The following CDH18 variants were observed in gnomAD, a reference collection of about 807,000 sequenced individuals.
CDH18 encodes the protein cadherin-18.
CDH18 carries 31 observed loss-of-function variants against 67.9 expected under a neutral mutation model. That is an observed-to-expected ratio of 0.46 (90% confidence interval 0.34 to 0.62). The LOEUF is 0.62. Among genes scored for constraint, CDH18 ranks in the 20% least tolerant of loss-of-function variants. The probability of loss-of-function intolerance (pLI) is 0.01; values close to 1 mark genes in which losing one functional copy is unlikely to be tolerated. For missense variants in CDH18, 890 were observed against 975.5 expected (o/e 0.91, Z 1.17); for synonymous variants, 362 against 347.2 (o/e 1.04, Z -0.48).
At position 19,988,169 on chromosome 5, in the gene CDH18, A is replaced by T. The variant is rs902590011; in HGVS notation, c.-459T>A. ...GGGACTTTCCCAGAGCTCTGGGCAC[A>T]GCTGCTCGCCGTCCTCGGAAAGCCC... On this transcript the variant is annotated 5_prime_UTR_variant, in exon 1 of 13. Transcript: ENST00000382275. 1.3e-5 allele frequency: 2 copies of T among 152,170 alleles called. No individual in the cohort carries two copies. Among genetic ancestry groups the T allele is most frequent in the Non-Finnish European group, 2.9e-5 (2 of 68,044 alleles). 9.4% of individuals were successfully genotyped at this position (152,170 alleles called of 1,614,324 possible). A position where few individuals can be genotyped will look rare whatever the true frequency, so the allele number is the denominator to read the frequency against.
Position 20,142,440 on chromosome 5 carries a change from C to T in CDH18, c.-518+113004G>A, listed in dbSNP as rs766162788. Among the ~76,000 whole-genome samples, 7 of 151,856 alleles carry T rather than the reference C, an allele frequency of 4.6e-5. No individual in the cohort carries two copies. In the East Asian group the frequency reaches 7.8e-4, roughly 17 times the overall value. On this transcript the variant is annotated intron_variant, in intron 2 of 14. Transcript: ENST00000507958. Reference sequence around the variant, plus strand: ...ACTGAAAATACAAAAATTGGCCCGGCGTGGTGGCAAGCACCCGTAGTCTCA... The same window carrying T: ...ACTGAAAATACAAAAATTGGCCCGGTGTGGTGGCAAGCACCCGTAGTCTCA...
At chr5:20,164,532 C>T (rs1040877952) in intron 2 of CDH18, among the ~76,000 whole-genome samples, 1 of 152,096 alleles carries the variant, frequency 6.6e-6, no homozygotes, top group Admixed American at 6.5e-5. Context: ...AGGTCGGCCT[C>T]CCAAAGTGCT....
intron 4 of CDH18, among the ~76,000 whole-genome samples, chr5:19,743,025 A>G (rs777916740): frequency 2.0e-5 from 3 of 152,222 alleles, no homozygotes; most frequent in Non-Finnish European, 4.4e-5. Flanking sequence ...CCTAGTGTTT[A>G]GAAGCAAACC....
At chr5:19,692,273 A>G (rs1007574234) in intron 5 of CDH18, among the ~76,000 whole-genome samples, 1 of 152,158 alleles carries the variant, frequency 6.6e-6, no homozygotes, top group Non-Finnish European at 1.5e-5. Flanking sequence ...CAAAACTGCA[A>G]AACTACTATA....
intron 7 of CDH18, 106 bp from the exon 8 acceptor site, chr5:19,571,938 T>G: frequency 1.2e-6 from 1 of 851,284 alleles, no homozygotes; most frequent in Non-Finnish European, 1.8e-6. Context: ...AATAAAATAA[T>G]TGAGAGAGAG....
At chr5:19,646,490 C>T (rs1221736458) in intron 5 of CDH18, among the ~76,000 whole-genome samples, 1 of 152,026 alleles carries the variant, frequency 6.6e-6, no homozygotes, top group Non-Finnish European at 1.5e-5. Flanking sequence ...CAGGCACGTA[C>T]CACCATGCCC....
chr5:19,488,272 G>A lies in CDH18; in HGVS notation c.1631-4720C>T, dbSNP rs567548426. ...CTTATAGCTTAGAAAATATTAAAAAGTATGTGTTTTTTGAAACTGAAATTA... is the reference window on the plus strand; with the variant it reads ...CTTATAGCTTAGAAAATATTAAAAAATATGTGTTTTTTGAAACTGAAATTA... On this transcript the variant is annotated intron_variant, in intron 11 of 12. Coordinates refer to ENST00000382275, the MANE Select transcript of CDH18 (RefSeq NM_004934.5). Among the ~76,000 whole-genome samples the A allele has an allele frequency of 3.4e-4, 52 of 152,206 alleles. No homozygotes were observed. In the Middle Eastern group the frequency reaches 0.02, roughly 60 times the overall value.
intron 2 of CDH18, among the ~76,000 whole-genome samples, chr5:20,194,631 T>A (rs1216861809): frequency 6.7e-6 from 1 of 148,592 alleles, no homozygotes; most frequent in Non-Finnish European, 1.5e-5. Context: ...TTCTACTCTA[T>A]CTATAACATT....
chr5:19,980,943 GT>G (rs1343662748), intron 2 of CDH18, 116 bp downstream of exon 2: 26 of 152,108 alleles, frequency 1.7e-4, no homozygotes, highest in Admixed American at 4.6e-4. Flanking sequence ...CCCTCTTATT[GT>G]TTAGGATACA....
At chr5:19,932,880 T>A (rs779432361) in intron 2 of CDH18, among the ~76,000 whole-genome samples, 2 of 151,682 alleles carry the variant, frequency 1.3e-5, no homozygotes, top group Non-Finnish European at 3.0e-5. Context: ...GTCTACTCCA[T>A]GTATCTGTAC....
intron 2 of CDH18, among the ~76,000 whole-genome samples, chr5:19,993,617 C>T (rs1800101711): frequency 6.6e-6 from 1 of 151,946 alleles, no homozygotes; most frequent in African/African-American, 2.4e-5. Flanking sequence ...CATATACACA[C>T]ATATAGATAT....
At chr5:20,496,583 C>A (rs1753920831) in intron 1 of CDH18, among the ~76,000 whole-genome samples, 1 of 151,886 alleles carries the variant, frequency 6.6e-6, no homozygotes, top group South Asian at 2.1e-4. Context: ...GCTCTGTCGC[C>A]AATATACTAA....
chr5:19,918,407 T>A (rs377520530), intron 2 of CDH18, among the ~76,000 whole-genome samples: 10 of 152,262 alleles, frequency 6.6e-5, no homozygotes, highest in Non-Finnish European at 1.5e-4. Flanking sequence ...AAACTTATCA[T>A]ACATAGAACC....
At chr5:20,279,721 A>AG (rs1352580317) in intron 1 of CDH18, among the ~76,000 whole-genome samples, 1 of 148,612 alleles carries the variant, frequency 6.7e-6, no homozygotes, top group Non-Finnish European at 1.5e-5. Context: ...AAAAAAAAAA[A>AG]AAAAAAAGCA....
chr5:20,539,185 T>C (rs1756911774), intron 1 of CDH18, among the ~76,000 whole-genome samples: 1 of 152,052 alleles, frequency 6.6e-6, no homozygotes, highest in Non-Finnish European at 1.5e-5. Flanking sequence ...GCCACCGCAC[T>C]GGGTGGCAAC....
chr5:20,133,042 T>A (rs1749403547), intron 2 of CDH18, among the ~76,000 whole-genome samples: 1 of 152,128 alleles, frequency 6.6e-6, no homozygotes. Context: ...CAAAGTTTTC[T>A]CTTCTTATAT....
intron 2 of CDH18, among the ~76,000 whole-genome samples, chr5:20,151,883 T>C (rs1202589719): frequency 6.6e-6 from 1 of 151,730 alleles, no homozygotes; most frequent in Non-Finnish European, 1.5e-5. Context: ...ATATCAATGA[T>C]TAAATTTTTT....
At chr5:19,984,606 C>G (rs1799383165) in intron 1 of CDH18, among the ~76,000 whole-genome samples, 1 of 152,154 alleles carries the variant, frequency 6.6e-6, no homozygotes, top group Admixed American at 6.5e-5. Flanking sequence ...GACAAATCAT[C>G]AAAGACACTG....
At chr5:20,173,026 T>G (rs1736960636) in intron 2 of CDH18, among the ~76,000 whole-genome samples, 1 of 151,128 alleles carries the variant, frequency 6.6e-6, no homozygotes, top group African/African-American at 2.4e-5. Flanking sequence ...GAAAGAAATA[T>G]CCATTGTCTA....
Sources: allele counts gnomAD v4.1 joint callset (sites outside exome capture counted in the v4.1 genomes callset), GRCh38; gene constraint gnomAD v4.1.1; transcripts MANE v1.5; gene names NCBI Gene and HGNC (gene_info 2026-07-23, HGNC 2026-07-21).